Variants in MTMR10 observed in about 807,000 individuals in gnomAD.
MTMR10 encodes the protein myotubularin-related protein 10.
MTMR10 carries 56 observed loss-of-function variants against 88.1 expected under a neutral mutation model. That is an observed-to-expected ratio of 0.64 (90% CI 0.51 to 0.79). The LOEUF is 0.79. Ranked by LOEUF, MTMR10 falls within the 30% of genes least tolerant of loss-of-function variation. MTMR10 has a pLI of 0.00. For synonymous variants in MTMR10, 380 were observed against 340.9 expected (o/e 1.11, Z -1.26); for missense variants, 883 against 924.7 (o/e 0.95, Z 0.58).
Position 30,990,786 on chromosome 15 carries a change from G to C in MTMR10, c.112C>G (p.Leu38Val). 1 of 1,609,818 alleles carries C rather than the reference G, an allele frequency of 6.2e-7. No individual in the cohort carries two copies. Among genetic ancestry groups the C allele is most frequent in the Non-Finnish European group, 8.5e-7 (1 of 1,177,908 alleles). Residue 38 changes from leucine (L) to valine (V), a missense_variant, in exon 2 of 16, where the codon CTT (leucine) becomes GTT (valine). Physicochemically the swap from Leu to Val is conservative, Grantham distance 32. Around this residue, in one of 3 missense-constraint regions of MTMR10, gnomAD observed 414 missense variants for 423.2 expected, o/e 0.98. Transcript: ENST00000435680. ...CCTAACTAATGTTTACCTGGCAAAA[G>C]GACTGGCTCCAGTTTTTTAATCTTC... Reference protein sequence around the residue: ...EPKIKKLEPVLLPGEIVVNEV... With the variant: ...EPKIKKLEPVVLPGEIVVNEV...
intron 2 of MTMR10, among the ~76,000 whole-genome samples, chr15:30,985,134 C>T (rs1202214919): frequency 6.6e-6 from 1 of 152,206 alleles, no homozygotes; most frequent in East Asian, 1.9e-4. Flanking sequence ...GAGAAGAGAG[C>T]AAAGGCCATC....
chr15:30,929,877 T>C, the MTMR10 span, among the ~76,000 whole-genome samples: 2 of 92,754 alleles, frequency 2.2e-5, no homozygotes, highest in South Asian at 2.9e-4. Flanking sequence ...ATATAAAATA[T>C]ATAATATATA....
the MTMR10 span, chr15:30,925,330 G>A: frequency 1.3e-4 from 200 of 1,576,704 alleles, 2 homozygotes; most frequent in African/African-American, 2.2e-3. Context: ...ACTTAGGCGC[G>A]TGTACCTGGT....
chr15:30,982,070 CAA>C (rs1182835234), intron 2 of MTMR10, among the ~76,000 whole-genome samples: 1 of 106,168 alleles, frequency 9.4e-6, no homozygotes, highest in African/African-American at 3.6e-5. Flanking sequence ...GACTCCATCT[CAA>C]AAAAAAAAAG....
At position 30,941,771 on chromosome 15, in the gene MTMR10, G is replaced by A. The variant is rs1187583289; in HGVS notation, c.2033C>T (p.Ala678Val). ...AGCCAGGAGGGAGAGCTTGTGAAAG[G>A]CTGTGATGGAGCCACCCAGGCTGAT... The part of the protein sequence containing the change: ...AQISLGGSIT[A>V]FHKLSLLADE... The change falls in exon 16 of 16, where the codon GCC becomes GTC. Residue 678 changes from alanine to valine, a missense_variant. Ala to Val is a moderately conservative substitution (Grantham distance 64). This residue lies in a region of MTMR10 where 343 missense variants were observed against 323.2 expected (regional missense o/e 1.06). Coordinates refer to ENST00000435680, the MANE Select transcript of MTMR10 (RefSeq NM_017762.3). The A allele has an allele frequency of 6.2e-7, 1 of 1,613,890 alleles. No individual in the cohort carries two copies. Among genetic ancestry groups the A allele is most frequent in the Non-Finnish European group, 8.5e-7 (1 of 1,179,896 alleles).
At chr15:30,925,698 A>T in the MTMR10 span, 2 of 1,398,880 alleles carry the variant, frequency 1.4e-6, no homozygotes, top group South Asian at 2.5e-5. Context: ...ACTTTGTGGT[A>T]AGGGAGGTCA....
At chr15:30,987,343 G>A (rs2031005208) in intron 2 of MTMR10, among the ~76,000 whole-genome samples, 1 of 152,188 alleles carries the variant, frequency 6.6e-6, no homozygotes, top group African/African-American at 2.4e-5. Flanking sequence ...GAGACATCAA[G>A]ACCACAAAGT....
rs1334692452 is a variant in MTMR10 at position 30,940,136 on chromosome 15, A to ACAGT, written c.*1330_*1333dup. The ACAGT allele has an allele frequency of 2.0e-6, 2 of 985,464 alleles. No homozygotes were observed. Among genetic ancestry groups the ACAGT allele is most frequent in the Admixed American group, 6.1e-5 (1 of 16,288 alleles). 61.0% of individuals were successfully genotyped at this position (985,464 alleles called of 1,614,324 possible). Reference sequence around the variant, plus strand: ...ATATCTTAGGATGGCAGTTTAAGAAACAGTCAAATTTGAAAGTATCCATGT... The same window carrying ACAGT: ...ATATCTTAGGATGGCAGTTTAAGAAACAGTCAGTCAAATTTGAAAGTATCCATGT... On this transcript the variant is annotated 3_prime_UTR_variant, in exon 16 of 16. Transcript: ENST00000435680.
rs373501892 is a variant in MTMR10 at position 30,942,304 on chromosome 15, G to A, written c.1732-232C>T. The A allele has an allele frequency of 6.8e-5, 40 of 588,208 alleles. 1 individual carries two copies. Among genetic ancestry groups the A allele is most frequent in the Non-Finnish European group, 1.0e-4 (35 of 337,784 alleles). 36.4% of individuals were successfully genotyped at this position (588,208 alleles called of 1,614,324 possible). ...CTATCAGCCTGAATGGGGGCGGGAT[G>A]AGAGTACCTCCTATCCACTAATTTG... On this transcript the variant is annotated intron_variant, in intron 15 of 15. Transcript: ENST00000435680.
Position 30,961,042 on chromosome 15 carries a change from A to C in MTMR10, c.597T>G (p.Asp199Glu), listed in dbSNP as rs1215107976. ...TACCTCCTCCTCCTCCTCCTCCTCC[A>C]TCTCCTGAGGGAATTCCATTAATTT... Reference protein sequence around the residue: ...ANKINGIPSGDGGGGGGGGNG... With the variant: ...ANKINGIPSGEGGGGGGGGNG... Residue 199 changes from aspartate (D) to glutamate (E), a missense_variant, in exon 7 of 16, where the codon GAT becomes GAG. Asp to Glu is a conservative substitution (Grantham distance 45). Coordinates refer to ENST00000435680, the MANE Select transcript of MTMR10 (RefSeq NM_017762.3). 1.5e-5 allele frequency: 24 copies of C among 1,554,784 alleles called. No homozygotes were observed. Among genetic ancestry groups the C allele is most frequent in the Non-Finnish European group, 1.6e-5 (18 of 1,148,748 alleles).
At chr15:30,930,418 G>A in the MTMR10 span, 2 of 1,105,494 alleles carry the variant, frequency 1.8e-6, no homozygotes, top group Non-Finnish European at 1.2e-6. Flanking sequence ...GCGCATGGTG[G>A]GCCTGGGGTC....
intron 9 of MTMR10, among the ~76,000 whole-genome samples, chr15:30,955,654 G>C (rs866407417): frequency 6.6e-6 from 1 of 152,140 alleles, no homozygotes; most frequent in African/African-American, 2.4e-5. Context: ...CAAGGGGGGG[G>C]CGGGGCAGCA....
downstream of MTMR10, among the ~76,000 whole-genome samples, chr15:30,935,195 C>T (rs1040848846): frequency 6.6e-6 from 1 of 151,968 alleles, no homozygotes; most frequent in Non-Finnish European, 1.5e-5. Context: ...GTAGTCCCAG[C>T]TGCTTGGGAG....
chr15:30,928,459 T>C, the MTMR10 span: 1 of 1,548,578 alleles, frequency 6.5e-7, no homozygotes, highest in South Asian at 1.2e-5. Context: ...AAATTGAGTG[T>C]GCAGTAGGTT....
In MTMR10 at chr15:30,941,620, G is replaced by C. The variant is rs770174652; in HGVS notation, c.2184C>G (p.Thr728=). ...FNASGPHHTD[T]SGTPEFLSSS... is the part of the protein sequence containing the mutation. Reference sequence around the variant, plus strand: ...AGGAGAGAAACTCCGGTGTCCCCGAGGTGTCGGTGTGGTGAGGGCCGCTGG... The same window carrying C: ...AGGAGAGAAACTCCGGTGTCCCCGACGTGTCGGTGTGGTGAGGGCCGCTGG... The change falls in exon 16 of 16, where the codon ACC becomes ACG. Residue 728 remains threonine (T), a synonymous_variant. Coordinates refer to ENST00000435680, the MANE Select transcript of MTMR10 (RefSeq NM_017762.3). 1.2e-6 allele frequency: 2 copies of C among 1,604,598 alleles called. No homozygotes were observed. The highest frequency in any genetic ancestry group is 1.1e-5 in the South Asian group (1 of 89,838).
downstream of MTMR10, chr15:30,936,973 C>T: frequency 1.5e-6 from 1 of 658,710 alleles, no homozygotes; most frequent in South Asian, 2.0e-5. Context: ...AAGTGAAGGA[C>T]CATCCGTATA....
chr15:30,941,850 T>G lies in MTMR10; in HGVS notation c.1954A>C (p.Thr652Pro). 1 of 1,614,040 alleles carries G rather than the reference T, an allele frequency of 6.2e-7. No individual in the cohort carries two copies. The highest frequency in any genetic ancestry group is 8.5e-7 in the Non-Finnish European group (1 of 1,179,906). ...HGVILPRVSG[T>P]HIKLWKLCYF... is the part of the protein sequence containing the mutation. ...CACAGTTTCCACAGTTTTATGTGTG[T>G]TCCAGAGACACGTGGCAGAATAACA... Residue 652 changes from threonine to proline, a missense_variant, in exon 16 of 16, where the codon ACA becomes CCA. Physicochemically the swap from Thr to Pro is conservative, Grantham distance 38 (BLOSUM62 -1). Around this residue, in one of 3 missense-constraint regions of MTMR10, gnomAD observed 343 missense variants for 323.2 expected, o/e 1.06. Coordinates refer to ENST00000435680, the MANE Select transcript of MTMR10 (RefSeq NM_017762.3).
Position 30,940,182 on chromosome 15 carries a change from T to C in MTMR10, c.*1288A>G. ...CATGTTTTAAGCGGGGAATGAGGAGTGTGGGGGAGGTGGTGCCCCGTTTCA... is the reference window on the plus strand; with the variant it reads ...CATGTTTTAAGCGGGGAATGAGGAGCGTGGGGGAGGTGGTGCCCCGTTTCA... On this transcript the variant is annotated 3_prime_UTR_variant, in exon 16 of 16. Transcript: ENST00000435680. 1 of 985,264 alleles carries C rather than the reference T, an allele frequency of 1.0e-6. No individual in the cohort carries two copies. The highest frequency in any genetic ancestry group is 1.7e-5 in the African/African-American group (1 of 57,276). The allele number at this position is 985,264 out of a possible 1,614,324, so 61.0% of individuals were successfully genotyped here. A position where few individuals can be genotyped will look rare whatever the true frequency, so the allele number is the denominator to read the frequency against.
rs35430262 is a variant in MTMR10, at chr15:30,978,898, A to AATAT, written c.122-1947_122-1944dup. Reference sequence around the variant, plus strand: ...CGAGAAAAAAAATTTAAGATGACCAAATATATATATATATAGACGCACTGA... The same window carrying AATAT: ...CGAGAAAAAAAATTTAAGATGACCAAATATATATATATATATATAGACGCACTGA... On this transcript the variant is annotated intron_variant, in intron 2 of 15. Transcript: ENST00000435680. Among the ~76,000 whole-genome samples, 181 of 150,428 alleles carry AATAT rather than the reference A, an allele frequency of 1.2e-3. 1 individual carries two copies. The highest frequency in any genetic ancestry group is 7.1e-3 in the South Asian group (34 of 4,758).
Sources: allele counts gnomAD v4.1 joint callset (sites outside exome capture counted in the v4.1 genomes callset), GRCh38; gene constraint gnomAD v4.1.1; regional missense constraint gnomAD v4.1.1; transcripts MANE v1.5; gene names NCBI Gene and HGNC (gene_info 2026-07-23, HGNC 2026-07-21).